The following RHOT2 variants were observed in gnomAD, a reference collection of about 807,000 sequenced individuals.
RHOT2 encodes mitochondrial Rho GTPase 2.
A neutral mutation model predicts 81.6 loss-of-function variants in RHOT2; 90 were observed. That is an observed-to-expected ratio of 1.10 (90% CI 0.93 to 1.31). The LOEUF is 1.31. Ranked by LOEUF, RHOT2 falls within the 40% of genes most tolerant of loss-of-function variation. The pLI is 0.00. For synonymous variants in RHOT2, 512 were observed against 370.9 expected (o/e 1.38, Z -4.37); for missense variants, 1,014 against 841.9 (o/e 1.20, Z -2.53).
chr16:672,928 C>T lies in RHOT2; in HGVS notation c.1528C>T (p.His510Tyr). The change falls in exon 18 of 19, where the codon CAC becomes TAC. Residue 510 changes from histidine to tyrosine, a missense_variant and splice_region_variant. Coordinates refer to ENST00000315082, the MANE Select transcript of RHOT2 (RefSeq NM_138769.3). ...SFAHCASVYK[H>Y]HYMDGQTPCL... ...ACCTCATACCACTCTCTGCCCACAG[C>T]ACCATTACATGGACGGGCAGACCCC... The T allele has an allele frequency of 1.2e-6, 2 of 1,612,834 alleles. No individual in the cohort carries two copies. Among genetic ancestry groups the T allele is most frequent in the Non-Finnish European group, 1.7e-6 (2 of 1,179,994 alleles).
Position 671,810 on chromosome 16 carries a change from G to GCCCCTGCCCC in RHOT2, c.954+33_954+34insTGCCCCCCCC. 14 of 1,586,234 alleles carry GCCCCTGCCCC rather than the reference G, an allele frequency of 8.8e-6. No individual in the cohort carries two copies. In the East Asian group the frequency reaches 9.1e-5, roughly 10 times the overall value. On this transcript the variant is annotated intron_variant, in intron 12 of 18. Coordinates refer to ENST00000315082, the MANE Select transcript of RHOT2 (RefSeq NM_138769.3). ...AGAGCATGGCGAGTCCCCTGCCCCT[G>GCCCCTGCCCC]CCCCCGCCCCCTCCCCGGCACACAC...
At chr16:668,312 C>CGTATCAT in intron 1 of RHOT2, 41 bp from the exon 2 acceptor site, 1 of 1,285,072 alleles carries the variant, frequency 7.8e-7, no homozygotes, top group Non-Finnish European at 9.8e-7. Context: ...CGGGGGGCGC[C>CGTATCAT]GTGACCTTGG....
At chr16:669,364 G>C in intron 4 of RHOT2, 189 bp from the exon 5 acceptor site, 2 of 621,632 alleles carry the variant, frequency 3.2e-6, no homozygotes, top group Non-Finnish European at 5.8e-6. Flanking sequence ...ACTGGGGAGT[G>C]CCTGCTCTGC....
At position 672,724 on chromosome 16, in the gene RHOT2, G is replaced by A; in HGVS notation, c.1426G>A (p.Gly476Ser). The A allele has an allele frequency of 6.2e-7, 1 of 1,612,422 alleles. No individual in the cohort carries two copies. The highest frequency in any genetic ancestry group is 1.1e-5 in the South Asian group (1 of 91,092). Residue 476 changes from glycine (G) to serine (S), a missense_variant, in exon 17 of 19, where the codon GGT becomes AGT. Coordinates refer to ENST00000315082, the MANE Select transcript of RHOT2 (RefSeq NM_138769.3). ...CCAGCTCTGTGAGGTGGGCACAGAT[G>A]GTCTGCTGGCCACATCGCTGGACGC... ...YLILCEVGTDGLLATSLDATC... is the reference protein window; with the variant it reads ...YLILCEVGTDSLLATSLDATC...
chr16:669,280 G>T (rs977800492), intron 4 of RHOT2: 2 of 554,128 alleles, frequency 3.6e-6, no homozygotes, highest in Non-Finnish European at 6.5e-6. Flanking sequence ...TGCTTCTGGG[G>T]CCTGGTGTCC....
chr16:671,583 TGGGTCCTGTAGGGAGGGTCC>T, intron 11 of RHOT2, 94 bp from the exon 12 acceptor site: 1 of 1,173,262 alleles, frequency 8.5e-7, no homozygotes, highest in South Asian at 1.4e-5. Context: ...CAGGAGCCTC[TGGGTCCTGTAGGGAGGGTCC>T]GGCTGCACCG....
Position 673,122 on chromosome 16 carries a change from C to T in RHOT2, c.1722C>T (p.Ala574=), listed in dbSNP as rs776560657. ...TCTTCACCCAGCTCGCCACCATGGC[C>T]GCCTTCCCGTGGGTACCCAGTAGCG... ...TTIFTQLATM[A]AFPHLVHAEL... is the part of the protein sequence containing the mutation. Residue 574 remains alanine (A), a synonymous_variant, in exon 18 of 19, where the codon GCC becomes GCT. Coordinates refer to ENST00000315082, the MANE Select transcript of RHOT2 (RefSeq NM_138769.3). 9.9e-6 allele frequency: 16 copies of T among 1,610,692 alleles called. No homozygotes were observed. The South Asian group carries it at 1.1e-4, about 11-fold the overall frequency.
chr16:669,285 G>A (rs1202441405), intron 4 of RHOT2: 2 of 558,540 alleles, frequency 3.6e-6, no homozygotes, highest in East Asian at 3.0e-5. Flanking sequence ...CTGGGGCCTG[G>A]TGTCCCTGCA....
intron 17 of RHOT2, 35 bp from the exon 18 acceptor site, chr16:672,893 C>T: frequency 6.2e-7 from 1 of 1,612,668 alleles, no homozygotes; most frequent in Non-Finnish European, 8.5e-7. Flanking sequence ...CTCGGCCACC[C>T]CAGGACTGTA....
intron 4 of RHOT2, chr16:669,010 C>A: frequency 2.1e-6 from 1 of 474,516 alleles, no homozygotes. Context: ...GTGCTCCAGC[C>A]CACCGTCCCG....
rs371260040 is a variant in RHOT2, at chr16:668,384, C to G, written c.69C>G (p.Ser23=). The G allele has an allele frequency of 2.7e-6, 4 of 1,461,226 alleles. No homozygotes were observed. Among genetic ancestry groups the G allele is most frequent in the African/African-American group, 1.5e-5 (1 of 68,158 alleles). 90.5% of individuals were successfully genotyped at this position (1,461,226 alleles called of 1,614,324 possible). A position where few individuals can be genotyped will look rare whatever the true frequency, so the allele number is the denominator to read the frequency against. ...AQVGKTSLIL[S]LVGEEFPEEV... ...TGGGGAAGACGTCGCTGATCCTGTC[C>G]CTGGTGGGCGAGGAGTTCCCCGAGG... The change falls in exon 2 of 19, where the codon TCC becomes TCG. Residue 23 remains serine, a synonymous_variant. Transcript: ENST00000315082.
intron 4 of RHOT2, chr16:669,106 G>A (rs746037445): frequency 2.3e-5 from 9 of 387,204 alleles, no homozygotes; most frequent in Non-Finnish European, 3.8e-5. Context: ...GCCACCCAGG[G>A]CAGCCCCTGC....
rs543941700 is a variant in RHOT2, at chr16:671,954, G to A, written c.1049G>A (p.Arg350His). Residue 350 changes from arginine to histidine, a missense_variant, in exon 13 of 19, where the codon CGC becomes CAC. Transcript: ENST00000315082. Reference sequence around the variant, plus strand: ...GGCCCCGAGCTCCCACGCACAGTCCGCACAGAGGCCGGCCGGTTGCCCCTG... The same window carrying A: ...GGCCCCGAGCTCCCACGCACAGTCCACACAGAGGCCGGCCGGTTGCCCCTG... ...PWGPELPRTV[R>H]TEAGRLPLHG... 65 of 1,612,200 alleles carry A rather than the reference G, an allele frequency of 4.0e-5. No homozygotes were observed. The South Asian group carries it at 5.8e-4, about 14-fold the overall frequency.
chr16:672,528 G>A lies in RHOT2; in HGVS notation c.1366G>A (p.Asp456Asn), dbSNP rs766528689. The part of the protein sequence containing the change: ...TREQPPGYAI[D>N]TVQVNGQEKY... ...GGAGCAGCCTCCCGGCTACGCCATC[G>A]ACACGGTGCAGGTCAATGGACAGGA... The change falls in exon 16 of 19, where the codon GAC (aspartate) becomes AAC (asparagine). Residue 456 changes from aspartate (D) to asparagine (N), a missense_variant. Transcript: ENST00000315082. The A allele has an allele frequency of 3.7e-6, 6 of 1,612,490 alleles. No homozygotes were observed. Among genetic ancestry groups the A allele is most frequent in the East Asian group, 2.2e-5 (1 of 44,876 alleles).
At chr16:672,606 C>G (rs761543972) in intron 16 of RHOT2, 40 bp downstream of exon 16, 1 of 1,610,472 alleles carries the variant, frequency 6.2e-7, no homozygotes, top group Non-Finnish European at 8.5e-7. Flanking sequence ...CGAGGGTGGA[C>G]CCGGGGACAC....
intron 4 of RHOT2, chr16:669,260 A>G (rs544390456): frequency 5.5e-5 from 29 of 527,116 alleles, no homozygotes; most frequent in African/African-American, 4.8e-4. Flanking sequence ...GGTCTTGCTG[A>G]CCACAGTTAT....
rs751839472 is a variant in RHOT2 at position 669,584 on chromosome 16, C to T, written c.254C>T (p.Ser85Phe). Residue 85 changes from serine to phenylalanine, a missense_variant, in exon 5 of 19, where the codon TCT (serine) becomes TTT (phenylalanine). Transcript: ENST00000315082. ...GTGGTGTGTGTGGTGTATGACGTCT[C>T]TGAGGAGGCCACCATTGAGAAGGTG... ...ANVVCVVYDV[S>F]EEATIEKIRT... The T allele has an allele frequency of 2.5e-5, 41 of 1,611,986 alleles. 1 individual carries two copies. The East Asian group carries it at 8.9e-4, about 35-fold the overall frequency.
chr16:673,084 C>G lies in RHOT2; in HGVS notation c.1684C>G (p.Pro562Ala). 2.5e-6 allele frequency: 4 copies of G among 1,611,686 alleles called. No homozygotes were observed. Among genetic ancestry groups the G allele is most frequent in the Non-Finnish European group, 3.4e-6 (4 of 1,179,944 alleles). Reference protein sequence around the residue: ...VPFSCAGPAEPSTTIFTQLAT... With the variant: ...VPFSCAGPAEASTTIFTQLAT... ...GTTCTCCTGTGCTGGCCCAGCCGAG[C>G]CCAGCACCACCATCTTCACCCAGCT... Residue 562 changes from proline (P) to alanine (A), a missense_variant, in exon 18 of 19, where the codon CCC (proline) becomes GCC (alanine). Coordinates refer to ENST00000315082, the MANE Select transcript of RHOT2 (RefSeq NM_138769.3).
Position 671,090 on chromosome 16 carries a change from C to A in RHOT2, c.756C>A (p.Leu252=), listed in dbSNP as rs766043286. The A allele has an allele frequency of 5.0e-6, 8 of 1,609,276 alleles. No individual in the cohort carries two copies. In the South Asian group the frequency reaches 6.6e-5, roughly 13 times the overall value. ...REDRLTLDGF[L]FLNTLFIQRG... ...TGCTTTGTCTCGGTGCAGGTTTCCT[C>A]TTCCTGAACACGCTCTTCATCCAGC... The change falls in exon 11 of 19, where the codon CTC becomes CTA. Residue 252 remains leucine (L), a synonymous_variant. Transcript: ENST00000315082.
Sources: allele counts gnomAD v4.1 joint callset, GRCh38; gene constraint gnomAD v4.1.1; transcripts MANE v1.5; gene names NCBI Gene and HGNC (gene_info 2026-07-23, HGNC 2026-07-21).